The following CNTN6 variants were observed in gnomAD, a reference collection of about 807,000 sequenced individuals.
CNTN6 encodes contactin-6.
Under a neutral mutation model 122.8 loss-of-function variants are expected in CNTN6, and 137 were observed. That is an observed-to-expected ratio of 1.12 (90% CI 0.97 to 1.29). The LOEUF (loss-of-function observed/expected upper bound fraction) is 1.29, where lower values mean the gene tolerates loss of function less well. CNTN6 is among the 50% of genes most tolerant of loss of function. The pLI is 0.00. For missense variants in CNTN6, 1,634 were observed against 1,223.4 expected, an observed-to-expected ratio of 1.34 and a Z score of -5.01; for synonymous variants, 570 against 426.0, an observed-to-expected ratio of 1.34 and a Z score of -4.16.
At chr3:1,371,031 C>G (rs987997323) in intron 12 of CNTN6, among the ~76,000 whole-genome samples, 1 of 151,912 alleles carries the variant, frequency 6.6e-6, no homozygotes, top group African/African-American at 2.4e-5. Context: ...CAGTATGTAC[C>G]TTAAAACCCC....
chr3:1,103,713 C>T (rs562873110), intron 1 of CNTN6, among the ~76,000 whole-genome samples: 2 of 152,268 alleles, frequency 1.3e-5, no homozygotes, highest in African/African-American at 2.4e-5. Flanking sequence ...GAGCCAATTG[C>T]TTTTACCATT....
At chr3:1,308,786 A>G (rs1301092325) in intron 7 of CNTN6, among the ~76,000 whole-genome samples, 1 of 151,560 alleles carries the variant, frequency 6.6e-6, no homozygotes, top group African/African-American at 2.4e-5. Context: ...CCAGCATTTG[A>G]TATTGTGTGT....
chr3:1,309,454 T>C (rs564392782), intron 7 of CNTN6, among the ~76,000 whole-genome samples: 2 of 152,318 alleles, frequency 1.3e-5, no homozygotes, highest in Admixed American at 1.3e-4. Context: ...TATAGGTCTA[T>C]TACCGGGATC....
chr3:1,310,184 C>T (rs1353355001), intron 7 of CNTN6, among the ~76,000 whole-genome samples: 1 of 152,084 alleles, frequency 6.6e-6, no homozygotes, highest in Non-Finnish European at 1.5e-5. Flanking sequence ...AGTAAACATG[C>T]TTGCCTTTTT....
intron 2 of CNTN6, among the ~76,000 whole-genome samples, chr3:1,160,344 G>GTATGTATATATATATATATATA (rs1158623079): frequency 1.8e-5 from 2 of 111,130 alleles, no homozygotes; most frequent in African/African-American, 7.1e-5. Context: ...TACTTTTACT[G>GTATGTATATATATATATATATA]TATATATATA....
chr3:1,303,616 G>A (rs115448607), intron 7 of CNTN6, among the ~76,000 whole-genome samples: 58 of 151,990 alleles, frequency 3.8e-4, no homozygotes, highest in African/African-American at 8.2e-4. Flanking sequence ...ATAAGTCCTC[G>A]CTTGCTAATT....
chr3:1,227,529 TTGAC>T (rs2094299391), intron 3 of CNTN6, among the ~76,000 whole-genome samples: 1 of 152,214 alleles, frequency 6.6e-6, no homozygotes, highest in Non-Finnish European at 1.5e-5. Context: ...GCCAGTATTA[TTGAC>T]TGACTGTCTA....
chr3:1,130,211 C>G (rs115926392), intron 1 of CNTN6, among the ~76,000 whole-genome samples: 1 of 152,004 alleles, frequency 6.6e-6, no homozygotes. Context: ...ATTTCTAACC[C>G]TATATCTAAA....
At chr3:1,217,229 G>A (rs1213354987) in intron 2 of CNTN6, among the ~76,000 whole-genome samples, 1 of 152,166 alleles carries the variant, frequency 6.6e-6, no homozygotes, top group Non-Finnish European at 1.5e-5. Flanking sequence ...TGAGTGGTCT[G>A]TAAAAGATCT....
chr3:1,310,109 T>G (rs1213792425), intron 7 of CNTN6, among the ~76,000 whole-genome samples: 1 of 151,994 alleles, frequency 6.6e-6, no homozygotes, highest in Non-Finnish European at 1.5e-5. Flanking sequence ...TACATTTTTT[T>G]TGCCTTTTCT....
chr3:1,367,418 T>C (rs1708391680), intron 12 of CNTN6, among the ~76,000 whole-genome samples: 3 of 152,122 alleles, frequency 2.0e-5, no homozygotes, highest in Admixed American at 1.3e-4. Flanking sequence ...TTCATGGACA[T>C]ACAATCCAGT....
rs867689875 is a variant in CNTN6 at position 1,202,482 on chromosome 3, A to G, written c.56-18205A>G. ...GGGAACCCCGGGGGGCGGAGCTTGC[A>G]GTGAGCCAAGATGGCGCCACCGCCC... On this transcript the variant is annotated intron_variant, in intron 2 of 22. Coordinates refer to ENST00000446702, the MANE Select transcript of CNTN6 (RefSeq NM_001289080.2). Among the ~76,000 whole-genome samples, 33 of 151,716 alleles carry G rather than the reference A, an allele frequency of 2.2e-4. 1 individual carries two copies. The highest frequency in any genetic ancestry group is 3.4e-3 in the Middle Eastern group (1 of 292).
chr3:1,308,287 TTGTGTGTGTGTGTGTG>T (rs113198519), intron 7 of CNTN6, among the ~76,000 whole-genome samples: 1 of 144,826 alleles, frequency 6.9e-6, no homozygotes, highest in African/African-American at 2.6e-5. Context: ...ATGGGGTGTT[TTGTGTGTGTGTGTGTG>T]TGTGTGTGTG....
intron 4 of CNTN6, among the ~76,000 whole-genome samples, chr3:1,246,959 G>C (rs2094590715): frequency 6.6e-6 from 1 of 152,074 alleles, no homozygotes. Flanking sequence ...CTTCTACTGT[G>C]TCGCTTGCCT....
At position 1,347,780 on chromosome 3, in the gene CNTN6, T is replaced by G. The variant is rs145758501; in HGVS notation, c.1365-4544T>G. ...ATTCCTAAAATAAAAATTAGAGCATTGTAGATCAAAAAGATTAAGTAGCTA... is the reference window on the plus strand; with the variant it reads ...ATTCCTAAAATAAAAATTAGAGCATGGTAGATCAAAAAGATTAAGTAGCTA... On this transcript the variant is annotated intron_variant, in intron 11 of 22. Transcript: ENST00000446702. Among the ~76,000 whole-genome samples the G allele has an allele frequency of 4.0e-3, 611 of 152,170 alleles. 4 individuals carry two copies. Among genetic ancestry groups the G allele is most frequent in the African/African-American group, 0.014 (564 of 41,526 alleles).
intron 17 of CNTN6, among the ~76,000 whole-genome samples, chr3:1,382,664 A>G (rs954607518): frequency 2.0e-5 from 3 of 152,140 alleles, no homozygotes; most frequent in Admixed American, 6.6e-5. Flanking sequence ...AAACTGTTTT[A>G]TTATTATAAT....
At chr3:1,369,826 T>G (rs1180527827) in intron 12 of CNTN6, among the ~76,000 whole-genome samples, 1 of 152,062 alleles carries the variant, frequency 6.6e-6, no homozygotes, top group Non-Finnish European at 1.5e-5. Context: ...TCTAAAAAAT[T>G]TTCTTGGATC....
intron 4 of CNTN6, among the ~76,000 whole-genome samples, chr3:1,236,731 G>T (rs908149811): frequency 9.2e-5 from 14 of 152,160 alleles, no homozygotes; most frequent in African/African-American, 3.4e-4. Context: ...AAGCCAAGAT[G>T]AAACTTCTGA....
intron 4 of CNTN6, among the ~76,000 whole-genome samples, chr3:1,231,536 T>A (rs1323127874): frequency 1.3e-5 from 2 of 152,212 alleles, no homozygotes; most frequent in Non-Finnish European, 2.9e-5. Flanking sequence ...AGACACAGAC[T>A]GTAACACTCT....
Sources: gnomAD v4.1 joint callset for allele counts (sites outside exome capture counted in the v4.1 genomes callset) on GRCh38, gnomAD v4.1.1 for gene constraint, MANE v1.5 for transcripts, NCBI Gene and HGNC (gene_info 2026-07-23, HGNC 2026-07-21) for gene names.